Variants in ANKRD13D observed in about 807,000 individuals in gnomAD.
The protein encoded by ANKRD13D is ankyrin repeat domain 13D.
A neutral mutation model predicts 68.8 loss-of-function variants in ANKRD13D; 24 were observed. That is an observed-to-expected ratio of 0.35 (90% CI 0.25 to 0.49). ANKRD13D has a LOEUF of 0.49. Among genes scored for constraint, ANKRD13D ranks in the 20% least tolerant of loss-of-function variants. ANKRD13D has a pLI of 0.99. For missense variants in ANKRD13D, 735 were observed against 832.1 expected (o/e 0.88, Z 1.44); for synonymous variants, 331 against 336.1 (o/e 0.98, Z 0.16).
Position 67,301,343 on chromosome 11 carries a change from T to G in ANKRD13D, c.1293T>G (p.Asp431Glu), listed in dbSNP as rs1860978801. The change falls in exon 12 of 15, where the codon GAT becomes GAG. Residue 431 changes from aspartate (D) to glutamate (E), a missense_variant. Physicochemically the swap from Asp to Glu is conservative, Grantham distance 45. Transcript: ENST00000511455. This position sits in a 1 kb window ranked among gnomAD's most constrained non-coding sequence, Gnocchi z 4.5. ...CCTTCAGCAACCTGTGTGGCTGTGA[T>G]GAGCCCCTGAGCTCCGTGTGGGTGC... ...RITFSNLCGC[D>E]EPLSSVWVPA... The G allele has an allele frequency of 6.2e-7, 1 of 1,613,678 alleles. No homozygotes were observed. Among genetic ancestry groups the G allele is most frequent in the Admixed American group, 1.7e-5 (1 of 59,976 alleles).
chr11:67,291,945 C>T (rs1860575106), intron 5 of ANKRD13D, 46 bp from the exon 6 acceptor site: 2 of 1,540,636 alleles, frequency 1.3e-6, no homozygotes, highest in Admixed American at 1.9e-5. Flanking sequence ...CTGCTGGCGC[C>T]CAGCACTGAT....
At chr11:67,297,565 G>A (rs1476385497) in intron 6 of ANKRD13D, among the ~76,000 whole-genome samples, 2 of 142,202 alleles carry the variant, frequency 1.4e-5, no homozygotes, top group Non-Finnish European at 3.0e-5. Context: ...TTGCTCTGTC[G>A]CCCAGGCTGG....
At chr11:67,297,238 C>G (rs1301862234) in intron 6 of ANKRD13D, among the ~76,000 whole-genome samples, 1 of 152,152 alleles carries the variant, frequency 6.6e-6, no homozygotes, top group East Asian at 1.9e-4. Flanking sequence ...GACATGGGGT[C>G]TCACTCCATC....
Position 67,299,465 on chromosome 11 carries a change from C to A in ANKRD13D, c.799-65C>A. The stretch of plus-strand genomic sequence containing the variant: ...GGGACAGGAGGACCTGGGTTCTGCA[C>A]TGGTGAGGCTGAGTGTGGGGAGCAG... On this transcript the variant is annotated intron_variant, in intron 7 of 14. Transcript: ENST00000511455. The surrounding 1 kb of genome is among the most constrained non-coding windows in gnomAD (Gnocchi z 6.2). 7.3e-7 allele frequency: 1 copy of A among 1,365,720 alleles called. No individual in the cohort carries two copies. Among genetic ancestry groups the A allele is most frequent in the Non-Finnish European group, 1.0e-6 (1 of 985,390 alleles). The allele number at this position is 1,365,720 out of a possible 1,614,324, so 84.6% of individuals were successfully genotyped here.
At chr11:67,292,911 T>C (rs1335462236) in intron 6 of ANKRD13D, among the ~76,000 whole-genome samples, 1 of 152,254 alleles carries the variant, frequency 6.6e-6, no homozygotes, top group African/African-American at 2.4e-5. Context: ...AATTTTATAA[T>C]ATGTTGCCTT....
At position 67,302,262 on chromosome 11, in the gene ANKRD13D, G is replaced by C. The variant is rs1404944929; in HGVS notation, c.1748G>C (p.Arg583Pro). 6.4e-7 allele frequency: 1 copy of C among 1,571,342 alleles called. No homozygotes were observed. Among genetic ancestry groups the C allele is most frequent in the Middle Eastern group, 1.8e-4 (1 of 5,588 alleles). ...TTGTCTTCACGGGAGCAGGAGGAGC[G>C]GGAGCGGCGCGGGCAGCAGGAGGAG... ...LELSSREQEE[R>P]ERRGQQEEED... The change falls in exon 15 of 15, where the codon CGG becomes CCG. Residue 583 changes from arginine (R) to proline (P), a missense_variant. Arg to Pro is a moderately radical substitution (Grantham distance 103). Transcript: ENST00000511455.
At chr11:67,290,610 AG>A in intron 3 of ANKRD13D, 164 bp downstream of exon 3, 1 of 1,147,250 alleles carries the variant, frequency 8.7e-7, no homozygotes, top group Non-Finnish European at 1.2e-6. Context: ...CACGTAGGAA[AG>A]AGAGACGGCC....
intron 6 of ANKRD13D, among the ~76,000 whole-genome samples, chr11:67,293,485 T>C (rs180690336): frequency 2.2e-3 from 328 of 152,330 alleles, no homozygotes; most frequent in Non-Finnish European, 3.8e-3. Context: ...GATCCTTTAC[T>C]CATTTTTTAT....
Position 67,299,346 on chromosome 11 carries a change from T to C in ANKRD13D, c.799-184T>C, listed in dbSNP as rs2134736460. On this transcript the variant is annotated intron_variant, in intron 7 of 14. Transcript: ENST00000511455. This position sits in a 1 kb window ranked among gnomAD's most constrained non-coding sequence, Gnocchi z 6.2. ...AGATCAAAAGAGGAGTGTGTTCCTC[T>C]TGACCCTGGGGCTGCATCTCCTCGT... 2.8e-6 allele frequency: 2 copies of C among 711,912 alleles called. No homozygotes were observed. The highest frequency in any genetic ancestry group is 5.4e-5 in the East Asian group (2 of 36,944). The allele number at this position is 711,912 out of a possible 1,614,324, so 44.1% of individuals were successfully genotyped here.
At chr11:67,292,946 T>C (rs1465329183) in intron 6 of ANKRD13D, among the ~76,000 whole-genome samples, 6 of 152,230 alleles carry the variant, frequency 3.9e-5, no homozygotes, top group Admixed American at 3.9e-4. Flanking sequence ...TTTCACTTAG[T>C]ATAATATATT....
Position 67,299,348 on chromosome 11 carries a change from G to A in ANKRD13D, c.799-182G>A. The A allele has an allele frequency of 1.4e-6, 1 of 708,854 alleles. No homozygotes were observed. Among genetic ancestry groups the A allele is most frequent in the Non-Finnish European group, 2.4e-6 (1 of 422,780 alleles). The allele number at this position is 708,854 out of a possible 1,614,324, so 43.9% of individuals were successfully genotyped here. ...ATCAAAAGAGGAGTGTGTTCCTCTT[G>A]ACCCTGGGGCTGCATCTCCTCGTTG... is the stretch of plus-strand genomic sequence containing the variant. On this transcript the variant is annotated intron_variant, in intron 7 of 14. Transcript: ENST00000511455. This position sits in a 1 kb window ranked among gnomAD's most constrained non-coding sequence, Gnocchi z 6.2.
chr11:67,292,633 A>C lies in ANKRD13D; in HGVS notation c.731+453A>C, dbSNP rs571475926. ...TCAGTGGAAACACTTAAAAAAAAAA[A>C]CAAAAAACCTTTATTGAGATATAAT... is the stretch of plus-strand genomic sequence containing the variant. On this transcript the variant is annotated intron_variant, in intron 6 of 14. Transcript: ENST00000511455. 1.2e-3 allele frequency among the ~76,000 whole-genome samples: 179 copies of C among 152,122 alleles called. 1 individual carries two copies. The highest frequency in any genetic ancestry group is 7.3e-3 in the Admixed American group (112 of 15,278).
intron 6 of ANKRD13D, among the ~76,000 whole-genome samples, chr11:67,295,000 A>T (rs1456335716): frequency 6.6e-6 from 1 of 152,080 alleles, no homozygotes; most frequent in Non-Finnish European, 1.5e-5. Flanking sequence ...ATTTTTTTTA[A>T]CATATAAGAT....
Position 67,300,413 on chromosome 11 carries a change from G to C in ANKRD13D, c.1073+290G>C. 1 of 424,866 alleles carries C rather than the reference G, an allele frequency of 2.4e-6. No homozygotes were observed. Among genetic ancestry groups the C allele is most frequent in the South Asian group, 3.1e-5 (1 of 32,432 alleles). 26.3% of individuals were successfully genotyped at this position (424,866 alleles called of 1,614,324 possible). A position where few individuals can be genotyped will look rare whatever the true frequency, so the allele number is the denominator to read the frequency against. On this transcript the variant is annotated intron_variant, in intron 10 of 14. Coordinates refer to ENST00000511455, the MANE Select transcript of ANKRD13D (RefSeq NM_207354.3). The surrounding 1 kb of genome is among the most constrained non-coding windows in gnomAD (Gnocchi z 4.3). ...GGGCCAGCGTGGCACAGTGGGAAGG[G>C]CCCCCAGCGACGTGGCCTGGGAGTG...
chr11:67,294,557 T>C (rs1860692968), intron 6 of ANKRD13D, among the ~76,000 whole-genome samples: 3 of 152,036 alleles, frequency 2.0e-5, no homozygotes, highest in Non-Finnish European at 2.9e-5. Context: ...GTTTTTTTTT[T>C]TGAGATGGAG....
intron 3 of ANKRD13D, 33 bp downstream of exon 3, chr11:67,290,479 C>T (rs921099473): frequency 3.2e-6 from 5 of 1,538,594 alleles, no homozygotes; most frequent in Non-Finnish European, 4.4e-6. Flanking sequence ...AGGTGGGGTA[C>T]CATGGCAGGG....
At chr11:67,290,258 G>A (rs1860478040) in intron 2 of ANKRD13D, 45 bp downstream of exon 2, 3 of 1,545,378 alleles carry the variant, frequency 1.9e-6, no homozygotes, top group South Asian at 1.2e-5. Context: ...GGCAGGCGGG[G>A]GGCAGTGAGC....
Position 67,302,271 on chromosome 11 carries a change from G to C in ANKRD13D, c.1757G>C (p.Arg586Pro). 1 of 1,568,260 alleles carries C rather than the reference G, an allele frequency of 6.4e-7. No homozygotes were observed. The highest frequency in any genetic ancestry group is 8.7e-7 in the Non-Finnish European group (1 of 1,156,004). ...SSREQEERER[R>P]GQQEEEDLQR... ...CGGGAGCAGGAGGAGCGGGAGCGGC[G>C]CGGGCAGCAGGAGGAGGAGGACTTA... The change falls in exon 15 of 15, where the codon CGC becomes CCC. Residue 586 changes from arginine (R) to proline (P), a missense_variant. By Grantham distance (103) the Arg-to-Pro change is moderately radical. Coordinates refer to ENST00000511455, the MANE Select transcript of ANKRD13D (RefSeq NM_207354.3).
At position 67,291,583 on chromosome 11, in the gene ANKRD13D, GA is replaced by G. The variant is rs1860549927; in HGVS notation, c.398-19del. ...TGGGGCCTTTGGAAAGACCCCCAGT[GA>G]CCCCTGTGCACCCTGCAGTGCCCCT... On this transcript the variant is annotated intron_variant, in intron 4 of 14. Transcript: ENST00000511455. 2 of 1,613,896 alleles carry G rather than the reference GA, an allele frequency of 1.2e-6. No individual in the cohort carries two copies. Among genetic ancestry groups the G allele is most frequent in the Non-Finnish European group, 1.7e-6 (2 of 1,179,998 alleles).
Sources: gnomAD v4.1 joint callset for allele counts (sites outside exome capture counted in the v4.1 genomes callset) on GRCh38, gnomAD v4.1.1 for gene constraint, Gnocchi (gnomAD v3.1) non-coding constraint, MANE v1.5 for transcripts, NCBI Gene and HGNC (gene_info 2026-07-23, HGNC 2026-07-21) for gene names.